Variants in BICRAL observed in about 807,000 individuals in gnomAD.
BICRAL encodes BICRA like chromatin remodeling complex associated protein.
Under a neutral mutation model 91.8 loss-of-function variants are expected in BICRAL, and 8 were observed. The observed-to-expected ratio is 0.09, with a 90% CI of 0.05 to 0.16. The LOEUF (loss-of-function observed/expected upper bound fraction) is 0.16. Ranked by LOEUF, BICRAL falls within the 10% of genes least tolerant of loss-of-function variation. The probability of loss-of-function intolerance (pLI) is 1.00; values close to 1 mark genes in which losing one functional copy is unlikely to be tolerated. For missense variants in BICRAL, 1,038 were observed against 1,310.9 expected (o/e 0.79, Z 3.21); for synonymous variants, 445 against 491.1 (o/e 0.91, Z 1.24).
chr6:42,779,221 AAAACACACAC>A (rs1249060631), upstream of BICRAL, among the ~76,000 whole-genome samples: 52 of 105,238 alleles, frequency 4.9e-4, 1 homozygote, highest in African/African-American at 1.8e-3. Flanking sequence ...TGTCTCAAGA[AAAACACACAC>A]ACACACACAC....
rs532185799 is a variant in BICRAL, at chr6:42,849,994, A to T, written c.1840-2098A>T. ...AGAGGTTGCAGTGAGCCAAGATCAC[A>T]CCAGTGCACTCCAGCTTGGGTGACA... is the stretch of plus-strand genomic sequence containing the variant. On this transcript the variant is annotated intron_variant, in intron 6 of 12. Coordinates refer to ENST00000314073, the MANE Select transcript of BICRAL (RefSeq NM_001393499.1). Among the ~76,000 whole-genome samples the T allele has an allele frequency of 1.8e-3, 279 of 151,716 alleles. 1 individual carries two copies. Among genetic ancestry groups the T allele is most frequent in the African/African-American group, 6.3e-3 (262 of 41,430 alleles).
chr6:42,807,252 A>G (rs1763734622), intron 1 of BICRAL, among the ~76,000 whole-genome samples: 1 of 149,698 alleles, frequency 6.7e-6, no homozygotes, highest in African/African-American at 2.5e-5. Flanking sequence ...AGCTTGATCT[A>G]GGCTCACTGC....
upstream of BICRAL, among the ~76,000 whole-genome samples, chr6:42,781,379 T>G (rs944064844): frequency 3.9e-5 from 6 of 152,040 alleles, no homozygotes; most frequent in Non-Finnish European, 8.8e-5. Flanking sequence ...GGACAAAGAG[T>G]GTTGCAAAGG....
At chr6:42,791,006 G>A (rs1488298894) in intron 1 of BICRAL, among the ~76,000 whole-genome samples, 1 of 152,022 alleles carries the variant, frequency 6.6e-6, no homozygotes. Flanking sequence ...CTGGCTACAA[G>A]CAGAGGGAGC....
At chr6:42,860,486 C>T (rs1401339684) in intron 11 of BICRAL, 130 bp downstream of exon 11, 3 of 579,600 alleles carry the variant, frequency 5.2e-6, no homozygotes, top group South Asian at 4.0e-5. Flanking sequence ...TGTAGAAAAA[C>T]TTACGCTTAG....
In BICRAL at chr6:42,829,831, C is replaced by A. The variant is rs1265551511; in HGVS notation, c.1498C>A (p.Pro500Thr). 1.9e-6 allele frequency: 3 copies of A among 1,614,074 alleles called. No homozygotes were observed. In the African/African-American group the frequency reaches 4.0e-5, roughly 22 times the overall value. Residue 500 changes from proline to threonine, a missense_variant, in exon 6 of 13, where the codon CCC (proline) becomes ACC (threonine). Pro to Thr is a conservative substitution (Grantham distance 38). This residue lies in a region of BICRAL where 532 missense variants were observed against 724.9 expected (regional missense o/e 0.73). Coordinates refer to ENST00000314073, the MANE Select transcript of BICRAL (RefSeq NM_001393499.1). ...TCCTCAGCTTGTGGGTGGACAGATG[C>A]CCTTGCAGCAGGCATCCCCAACTGT... ...ASPQLVGGQM[P>T]LQQASPTVLH... is the part of the protein sequence containing the mutation.
At chr6:42,790,527 C>G (rs927119752) in intron 1 of BICRAL, among the ~76,000 whole-genome samples, 31 of 151,206 alleles carry the variant, frequency 2.1e-4, no homozygotes, top group Admixed American at 9.3e-4. Context: ...TGTAGCACCC[C>G]CCCCCCACCT....
intron 1 of BICRAL, among the ~76,000 whole-genome samples, chr6:42,755,756 G>A (rs144457745): frequency 0.012 from 1,757 of 149,358 alleles, 30 homozygotes; most frequent in African/African-American, 0.042. Context: ...TGCAACCTCC[G>A]CCTCCTGGGT....
intron 8 of BICRAL, 148 bp from the exon 9 acceptor site, chr6:42,855,708 T>A (rs1765330242): frequency 1.6e-6 from 1 of 613,214 alleles, no homozygotes; most frequent in South Asian, 2.1e-5. Flanking sequence ...TGGTTTTTTT[T>A]TTTTTATTTT....
chr6:42,841,524 T>C (rs905793111), intron 6 of BICRAL, among the ~76,000 whole-genome samples: 1 of 152,124 alleles, frequency 6.6e-6, no homozygotes, highest in African/African-American at 2.4e-5. Context: ...CTAGTCCCGC[T>C]CTGCCCCTCC....
At chr6:42,786,164 G>A (rs763882666) in intron 1 of BICRAL, among the ~76,000 whole-genome samples, 1 of 152,228 alleles carries the variant, frequency 6.6e-6, no homozygotes, top group Non-Finnish European at 1.5e-5. Flanking sequence ...ATTTTATTTT[G>A]TGCTTTCTCT....
At chr6:42,764,267 G>T (rs1417398211) in intron 1 of BICRAL, among the ~76,000 whole-genome samples, 1 of 150,996 alleles carries the variant, frequency 6.6e-6, no homozygotes, top group Non-Finnish European at 1.5e-5. Flanking sequence ...AAAAATGTCT[G>T]TCGGGCACAG....
intron 1 of BICRAL, among the ~76,000 whole-genome samples, chr6:42,782,752 G>C (rs566129869): frequency 1.3e-3 from 198 of 151,788 alleles, no homozygotes; most frequent in South Asian, 3.1e-3. Context: ...GAGCCGCCGG[G>C]AGCCGGGAAG....
chr6:42,866,105 T>C lies in BICRAL; in HGVS notation c.*659T>C, dbSNP rs967856472. 6.6e-6 allele frequency: 1 copy of C among 152,312 alleles called. No homozygotes were observed. The highest frequency in any genetic ancestry group is 2.4e-5 in the African/African-American group (1 of 41,402). 9.4% of individuals were successfully genotyped at this position (152,312 alleles called of 1,614,324 possible). ...CATTGCAGGGCTTCCCTATTGATGGTTCAAGTGCTTTTCTGATGCTTCCGG... is the reference window on the plus strand; with the variant it reads ...CATTGCAGGGCTTCCCTATTGATGGCTCAAGTGCTTTTCTGATGCTTCCGG... On this transcript the variant is annotated 3_prime_UTR_variant, in exon 13 of 13. Coordinates refer to ENST00000314073, the MANE Select transcript of BICRAL (RefSeq NM_001393499.1).
chr6:42,750,416 G>C (rs73428411), intron 1 of BICRAL, among the ~76,000 whole-genome samples: 1 of 150,378 alleles, frequency 6.6e-6, no homozygotes, highest in Non-Finnish European at 1.5e-5. Context: ...TGCCCACCTC[G>C]GCCCCTGGAA....
chr6:42,759,893 G>T (rs1205871499), intron 1 of BICRAL, among the ~76,000 whole-genome samples: 1 of 152,122 alleles, frequency 6.6e-6, no homozygotes, highest in Non-Finnish European at 1.5e-5. Context: ...TTTATTCCAT[G>T]CTGTGTCCCT....
At chr6:42,761,516 A>G (rs945462573) in intron 1 of BICRAL, among the ~76,000 whole-genome samples, 1 of 152,236 alleles carries the variant, frequency 6.6e-6, no homozygotes, top group Middle Eastern at 3.4e-3. Context: ...ATGATATTTA[A>G]CCTCTCTGAG....
intron 1 of BICRAL, among the ~76,000 whole-genome samples, chr6:42,759,989 A>G (rs921638792): frequency 3.9e-5 from 6 of 152,198 alleles, no homozygotes; most frequent in African/African-American, 1.4e-4. Flanking sequence ...TTAACCCTGT[A>G]ATCCCAGCAC....
chr6:42,850,493 C>T (rs573299570), intron 6 of BICRAL, among the ~76,000 whole-genome samples: 38 of 151,416 alleles, frequency 2.5e-4, no homozygotes, highest in African/African-American at 9.2e-4. Flanking sequence ...GCAGGCCAGC[C>T]TGGGCAACGG....
Sources: gnomAD v4.1 joint callset for allele counts (sites outside exome capture counted in the v4.1 genomes callset) on GRCh38, gnomAD v4.1.1 for gene constraint, gnomAD v4.1.1 regional missense constraint, MANE v1.5 for transcripts, NCBI Gene and HGNC (gene_info 2026-07-23, HGNC 2026-07-21) for gene names.